Variants in ITPR1 observed in about 807,000 individuals in gnomAD.
ITPR1 encodes inositol 1,4,5-trisphosphate receptor type 1.
ITPR1 carries 96 observed loss-of-function variants against 318.4 expected under a neutral mutation model. The ratio of observed to expected loss-of-function variants is 0.30; its 90% confidence interval spans 0.26 to 0.36. ITPR1 has a LOEUF of 0.36. Ranked by LOEUF, ITPR1 falls within the 10% of genes least tolerant of loss-of-function variation. The probability of loss-of-function intolerance (pLI) is 1.00; values close to 1 mark genes in which losing one functional copy is unlikely to be tolerated. For missense variants in ITPR1, 2,440 were observed against 3,460.2 expected, an observed-to-expected ratio of 0.71 and a Z score of 7.40; for synonymous variants, 1,312 against 1,289.9, an observed-to-expected ratio of 1.02 and a Z score of -0.37.
At chr3:4,801,088 T>C (rs1022241784) in intron 54 of ITPR1, among the ~76,000 whole-genome samples, 3 of 152,132 alleles carry the variant, frequency 2.0e-5, no homozygotes, top group Non-Finnish European at 4.4e-5. Flanking sequence ...TCTTTAAAAG[T>C]CAGTGGTGAC....
chr3:4,735,001 G>A (rs774111380), intron 43 of ITPR1, among the ~76,000 whole-genome samples, 163 bp from the exon 44 acceptor site: 10 of 152,186 alleles, frequency 6.6e-5, no homozygotes, highest in Non-Finnish European at 1.0e-4. Flanking sequence ...CACCTTCATC[G>A]CTCTGTGTTA....
rs1575394434 is a variant in ITPR1 at position 4,826,075 on chromosome 3, G to T, written c.8028+7833G>T. 6.6e-6 allele frequency among the ~76,000 whole-genome samples: 1 copy of T among 152,228 alleles called. No individual in the cohort carries two copies. Among genetic ancestry groups the T allele is most frequent in the African/African-American group, 2.4e-5 (1 of 41,462 alleles). ...CCAACAGGGCGTGCACTTAACCCTG[G>T]TCTGACCTTTCTGCCCGCCTGTGCA... On this transcript the variant is annotated intron_variant, in intron 60 of 61. Transcript: ENST00000649015. This position sits in a 1 kb window ranked among gnomAD's most constrained non-coding sequence, Gnocchi z 4.2.
chr3:4,655,803 G>A (rs944513185), intron 12 of ITPR1, among the ~76,000 whole-genome samples: 14 of 152,276 alleles, frequency 9.2e-5, no homozygotes, highest in African/African-American at 2.9e-4. Context: ...TGTTGATTGG[G>A]GGTGGGCTGC....
At chr3:4,727,803 T>C (rs2042627290) in intron 42 of ITPR1, among the ~76,000 whole-genome samples, 1 of 152,230 alleles carries the variant, frequency 6.6e-6, no homozygotes, top group Admixed American at 6.5e-5. Flanking sequence ...CTCAGACTCC[T>C]GGGCTCAAGC....
At chr3:4,806,825 G>T (rs1368757277) in intron 55 of ITPR1, among the ~76,000 whole-genome samples, 1 of 152,054 alleles carries the variant, frequency 6.6e-6, no homozygotes, top group Non-Finnish European at 1.5e-5. Flanking sequence ...AAGACAAGCT[G>T]GTTCCATCAC....
chr3:4,667,636 G>T (rs1480325716), intron 18 of ITPR1, 87 bp downstream of exon 18: 1 of 1,284,748 alleles, frequency 7.8e-7, no homozygotes, highest in Non-Finnish European at 1.1e-6. Flanking sequence ...ACGTTTCCTT[G>T]TGCTGCTAGT....
chr3:4,631,350 G>A (rs918035846), intron 5 of ITPR1, among the ~76,000 whole-genome samples: 3 of 152,060 alleles, frequency 2.0e-5, no homozygotes, highest in African/African-American at 4.8e-5. Flanking sequence ...GTTAATCTGC[G>A]CATAATCCCT....
chr3:4,712,824 A>G (rs2041481107), intron 39 of ITPR1, among the ~76,000 whole-genome samples: 2 of 152,262 alleles, frequency 1.3e-5, no homozygotes, highest in Admixed American at 1.3e-4. Flanking sequence ...CGGATTTTGC[A>G]GTTTCTTAGT....
chr3:4,792,420 T>C (rs139818479), intron 52 of ITPR1, among the ~76,000 whole-genome samples: 2 of 152,300 alleles, frequency 1.3e-5, no homozygotes, highest in African/African-American at 4.8e-5. Flanking sequence ...AAACAATAAA[T>C]GTTTATTTCC....
At chr3:4,768,855 CCAGAT>C in intron 46 of ITPR1, 91 bp downstream of exon 46, 1 of 1,262,676 alleles carries the variant, frequency 7.9e-7, no homozygotes, top group South Asian at 1.5e-5. Context: ...CTCACTTGGG[CCAGAT>C]TGCTTGAGCC....
rs980417837 is a variant in ITPR1, at chr3:4,783,743, C to T, written c.6511-73C>T. Reference sequence around the variant, plus strand: ...TTATTATGCATTTTTAAATACCCAACATGAGAAAGGAGTTTCTGTGTTCCT... The same window carrying T: ...TTATTATGCATTTTTAAATACCCAATATGAGAAAGGAGTTTCTGTGTTCCT... On this transcript the variant is annotated intron_variant, in intron 50 of 61. Transcript: ENST00000649015. 12 of 1,180,556 alleles carry T rather than the reference C, an allele frequency of 1.0e-5. No homozygotes were observed. In the African/African-American group the frequency reaches 1.2e-4, roughly 12 times the overall value. 73.1% of individuals were successfully genotyped at this position (1,180,556 alleles called of 1,614,324 possible). A position where few individuals can be genotyped will look rare whatever the true frequency, so the allele number is the denominator to read the frequency against.
At chr3:4,650,641 G>GTT (rs2093574395) in intron 10 of ITPR1, among the ~76,000 whole-genome samples, 1 of 137,410 alleles carries the variant, frequency 7.3e-6, no homozygotes, top group Non-Finnish European at 1.5e-5. Context: ...GTGTGTGTGT[G>GTT]TGTGCGCGCG....
intron 42 of ITPR1, among the ~76,000 whole-genome samples, chr3:4,727,919 A>G (rs985450423): frequency 1.7e-4 from 26 of 152,168 alleles, no homozygotes; most frequent in African/African-American, 5.1e-4. Context: ...TTTTATACAC[A>G]TGAGCACATG....
intron 35 of ITPR1, 94 bp downstream of exon 35, chr3:4,700,035 T>A: frequency 8.8e-7 from 1 of 1,131,342 alleles, no homozygotes; most frequent in Non-Finnish European, 1.3e-6. Flanking sequence ...GTAAATGAAC[T>A]GGTCTGCAAG....
chr3:4,518,234 C>G (rs904184397), intron 3 of ITPR1, among the ~76,000 whole-genome samples: 3 of 152,170 alleles, frequency 2.0e-5, no homozygotes, highest in African/African-American at 7.2e-5. Flanking sequence ...CCCATGTTTC[C>G]CCTGGGGGTC....
chr3:4,655,469 T>G (rs2093685269), intron 12 of ITPR1, among the ~76,000 whole-genome samples: 1 of 152,184 alleles, frequency 6.6e-6, no homozygotes, highest in Admixed American at 6.5e-5. Flanking sequence ...GACAAGTTAC[T>G]TGCCCTCTCT....
At chr3:4,749,685 C>A (rs201889933) in intron 44 of ITPR1, 1 of 152,344 alleles carries the variant, frequency 6.6e-6, no homozygotes, top group African/African-American at 2.4e-5. Context: ...TTCACCAGCA[C>A]CTGTAACGTT....
intron 4 of ITPR1, among the ~76,000 whole-genome samples, chr3:4,532,225 G>A (rs1475012783): frequency 6.6e-6 from 1 of 152,154 alleles, no homozygotes; most frequent in East Asian, 1.9e-4. Context: ...AAATGTTTGT[G>A]GAATGAATGA....
At chr3:4,545,802 A>T (rs2084933562) in intron 4 of ITPR1, among the ~76,000 whole-genome samples, 1 of 147,024 alleles carries the variant, frequency 6.8e-6, no homozygotes, top group Non-Finnish European at 1.5e-5. Flanking sequence ...GGCTCAAGTG[A>T]TTCTCCCGCC....
Sources: gnomAD v4.1 joint callset for allele counts (sites outside exome capture counted in the v4.1 genomes callset) on GRCh38, gnomAD v4.1.1 for gene constraint, Gnocchi (gnomAD v3.1) non-coding constraint, MANE v1.5 for transcripts, NCBI Gene and HGNC (gene_info 2026-07-23, HGNC 2026-07-21) for gene names.